SLC24A2: variants seen among roughly 807,000 people sequenced by gnomAD.
SLC24A2 encodes solute carrier family 24 member 2.
SLC24A2 carries 36 observed loss-of-function variants against 62.0 expected under a neutral mutation model. The ratio of observed to expected loss-of-function variants is 0.58; its 90% CI spans 0.44 to 0.77. SLC24A2 has a LOEUF of 0.77. SLC24A2 is among the 30% of genes least tolerant of loss of function. The pLI is 0.00. For synonymous variants in SLC24A2, 358 were observed against 294.0 expected (o/e 1.22, Z -2.23); for missense variants, 846 against 817.9 (o/e 1.03, Z -0.42).
At chr9:20,242,020 G>A in the SLC24A2 span, among the ~76,000 whole-genome samples, 22 of 152,184 alleles carry the variant, frequency 1.4e-4, no homozygotes, top group East Asian at 9.7e-4. Context: ...CTCATTCACC[G>A]AAAGCATCTC....
At chr9:19,907,838 TACAA>T in the SLC24A2 span, among the ~76,000 whole-genome samples, 3 of 152,052 alleles carry the variant, frequency 2.0e-5, no homozygotes, top group Non-Finnish European at 2.9e-5. Flanking sequence ...TAAAAGAGGT[TACAA>T]ACAAAGGGAA....
At chr9:19,973,757 C>A in the SLC24A2 span, among the ~76,000 whole-genome samples, 1 of 152,170 alleles carries the variant, frequency 6.6e-6, no homozygotes, top group South Asian at 2.1e-4. Flanking sequence ...GTTTAAGATT[C>A]TTTCAAATGC....
At chr9:19,987,815 A>C in the SLC24A2 span, among the ~76,000 whole-genome samples, 1 of 152,134 alleles carries the variant, frequency 6.6e-6, no homozygotes, top group Non-Finnish European at 1.5e-5. Flanking sequence ...CCCAAAGAAA[A>C]CTGAAGCCAC....
At chr9:19,652,326 G>A (rs1818825294) in intron 2 of SLC24A2, among the ~76,000 whole-genome samples, 1 of 152,156 alleles carries the variant, frequency 6.6e-6, no homozygotes, top group Admixed American at 6.5e-5. Flanking sequence ...CTGTGAATAT[G>A]TTTGTTTATA....
At chr9:19,577,841 T>TTA (rs1339332007) in intron 5 of SLC24A2, among the ~76,000 whole-genome samples, 15 of 148,252 alleles carry the variant, frequency 1.0e-4, no homozygotes, top group Non-Finnish European at 1.9e-4. Context: ...TTATATATAG[T>TTA]TATATATATA....
chr9:20,045,623 G>T, the SLC24A2 span, among the ~76,000 whole-genome samples: 7 of 151,926 alleles, frequency 4.6e-5, no homozygotes, highest in Non-Finnish European at 8.8e-5. Flanking sequence ...AGTAGAGGCG[G>T]GGTTTCACTA....
intron 2 of SLC24A2, among the ~76,000 whole-genome samples, chr9:19,626,862 C>G (rs1326847536): frequency 6.6e-6 from 1 of 152,074 alleles, no homozygotes; most frequent in South Asian, 2.1e-4. Context: ...ACCTCAAAGC[C>G]TATTGGGAAG....
chr9:19,859,345 G>A, the SLC24A2 span, among the ~76,000 whole-genome samples: 30 of 152,262 alleles, frequency 2.0e-4, no homozygotes, highest in Middle Eastern at 6.8e-3. Flanking sequence ...GGGATTACTT[G>A]AGGGTGGATG....
At chr9:20,029,727 G>C in the SLC24A2 span, among the ~76,000 whole-genome samples, 4 of 152,164 alleles carry the variant, frequency 2.6e-5, no homozygotes, top group Non-Finnish European at 5.9e-5. Context: ...GGTGGAAATG[G>C]GATTCCATGT....
the SLC24A2 span, among the ~76,000 whole-genome samples, chr9:19,883,641 C>T: frequency 6.6e-6 from 1 of 151,834 alleles, no homozygotes; most frequent in South Asian, 2.1e-4. Flanking sequence ...TCTCGGCTCA[C>T]TGCAAGCTCC....
At chr9:19,913,141 C>T in the SLC24A2 span, among the ~76,000 whole-genome samples, 1 of 152,062 alleles carries the variant, frequency 6.6e-6, no homozygotes, top group African/African-American at 2.4e-5. Flanking sequence ...CAGGTCGTCT[C>T]ATCTAAATTG....
At chr9:19,995,053 C>A in the SLC24A2 span, among the ~76,000 whole-genome samples, 1 of 150,332 alleles carries the variant, frequency 6.7e-6, no homozygotes, top group African/African-American at 2.4e-5. Flanking sequence ...GGGGATTTAA[C>A]CCCTGTGGTA....
chr9:19,556,736 C>A (rs543710605), intron 7 of SLC24A2, among the ~76,000 whole-genome samples: 3 of 152,122 alleles, frequency 2.0e-5, no homozygotes, highest in East Asian at 1.9e-4. Flanking sequence ...TCAGCACTTA[C>A]GTATTTTACA....
chr9:19,946,934 T>TA, the SLC24A2 span, among the ~76,000 whole-genome samples: 2 of 152,080 alleles, frequency 1.3e-5, no homozygotes, highest in East Asian at 1.9e-4. Flanking sequence ...TCTTCTAATG[T>TA]AAAAAAAATT....
intron 2 of SLC24A2, among the ~76,000 whole-genome samples, chr9:19,633,096 G>A (rs1199983701): frequency 6.6e-6 from 1 of 152,148 alleles, no homozygotes; most frequent in Non-Finnish European, 1.5e-5. Flanking sequence ...TTCCATTTGG[G>A]ATAATTTCCT....
the SLC24A2 span, among the ~76,000 whole-genome samples, chr9:19,901,599 A>G: frequency 1.3e-5 from 2 of 152,192 alleles, no homozygotes; most frequent in Non-Finnish European, 2.9e-5. Context: ...GTCCTAAAGC[A>G]TGTGTATTCA....
At chr9:20,272,413 C>A in the SLC24A2 span, among the ~76,000 whole-genome samples, 2 of 151,930 alleles carry the variant, frequency 1.3e-5, no homozygotes, top group Non-Finnish European at 2.9e-5. Context: ...TTTAGCTCAG[C>A]CTCCCTAATT....
the SLC24A2 span, among the ~76,000 whole-genome samples, chr9:19,851,669 T>A: frequency 6.6e-6 from 1 of 152,212 alleles, no homozygotes; most frequent in African/African-American, 2.4e-5. Flanking sequence ...CATTCCTTTT[T>A]ATGGCTGCAT....
intron 2 of SLC24A2, among the ~76,000 whole-genome samples, chr9:19,714,631 A>AG (rs1272938926): frequency 2.7e-4 from 41 of 152,044 alleles, no homozygotes; most frequent in Admixed American, 1.8e-3. Context: ...AGTATTAAAA[A>AG]ATTTTTTTTG....
Sources: allele counts gnomAD v4.1 joint callset (sites outside exome capture counted in the v4.1 genomes callset), GRCh38; gene constraint gnomAD v4.1.1; transcripts MANE v1.5; gene names NCBI Gene and HGNC (gene_info 2026-07-23, HGNC 2026-07-21).